The following GOLGA4 variants were observed in gnomAD, a reference collection of about 807,000 sequenced individuals.
GOLGA4 encodes golgin subfamily A member 4.
A neutral mutation model predicts 265.9 loss-of-function variants in GOLGA4; 169 were observed. The ratio of observed to expected loss-of-function variants is 0.64; its 90% confidence interval spans 0.56 to 0.72. The LOEUF (loss-of-function observed/expected upper bound fraction) is 0.72, where lower values mean the gene tolerates loss of function less well. Ranked by LOEUF, GOLGA4 falls within the 30% of genes least tolerant of loss-of-function variation. GOLGA4 has a pLI of 0.00. For synonymous variants in GOLGA4, 923 were observed against 855.8 expected (o/e 1.08, Z -1.37); for missense variants, 2,482 against 2,483.4 (o/e 1.00, Z 0.01).
intron 23 of GOLGA4, among the ~76,000 whole-genome samples, chr3:37,364,760 TAAAA>T (rs372948979): frequency 6.9e-6 from 1 of 145,364 alleles, no homozygotes; most frequent in Non-Finnish European, 1.5e-5. Flanking sequence ...CTATTTTTTT[TAAAA>T]AAAAGTTTGT....
At chr3:37,244,672 A>G (rs563163016) in intron 1 of GOLGA4, among the ~76,000 whole-genome samples, 2 of 152,342 alleles carry the variant, frequency 1.3e-5, no homozygotes, top group South Asian at 4.1e-4. Context: ...CAACGATTGC[A>G]TTAGGTTTAT....
rs201353058 is a variant in GOLGA4, at chr3:37,295,077, G to A, written c.681G>A (p.Gln227=). 3 of 1,504,106 alleles carry A rather than the reference G, an allele frequency of 2.0e-6. No individual in the cohort carries two copies. In the Admixed American group the frequency reaches 6.0e-5, roughly 30 times the overall value. 93.2% of individuals were successfully genotyped at this position (1,504,106 alleles called of 1,614,324 possible). ...KDQYISVLQT[Q]VSLLKQRLRN... ...AGTATATCAGTGTTCTCCAAACTCA[G>A]GTAAAAGAGTAAAAGAAAAAGTGTG... The change falls in exon 6 of 24, where the codon CAG becomes CAA. Residue 227 remains glutamine, a splice_region_variant and synonymous_variant. Coordinates refer to ENST00000361924, the MANE Select transcript of GOLGA4 (RefSeq NM_002078.5).
intron 2 of GOLGA4, among the ~76,000 whole-genome samples, chr3:37,255,323 G>A (rs1477460973): frequency 6.6e-6 from 1 of 152,042 alleles, no homozygotes; most frequent in Non-Finnish European, 1.5e-5. Context: ...CACCATGCCT[G>A]GCTAACTTTT....
chr3:37,333,637 A>G (rs768997566), intron 16 of GOLGA4, among the ~76,000 whole-genome samples: 2 of 152,186 alleles, frequency 1.3e-5, no homozygotes, highest in Non-Finnish European at 2.9e-5. Context: ...CAGCCATACA[A>G]GAAATGTCAA....
intron 16 of GOLGA4, 112 bp from the exon 17 acceptor site, chr3:37,334,941 A>T: frequency 1.6e-6 from 1 of 607,470 alleles, no homozygotes; most frequent in Non-Finnish European, 3.0e-6. Flanking sequence ...TTCCCTACAG[A>T]GGTAGTTTTC....
chr3:37,268,146 A>G (rs559483701), intron 2 of GOLGA4, among the ~76,000 whole-genome samples: 54 of 152,242 alleles, frequency 3.5e-4, no homozygotes, highest in African/African-American at 1.3e-3. Context: ...CAGTGGTACA[A>G]TCACGGCTCA....
intron 2 of GOLGA4, among the ~76,000 whole-genome samples, chr3:37,268,481 C>T (rs1442245082): frequency 6.6e-6 from 1 of 151,680 alleles, no homozygotes; most frequent in Non-Finnish European, 1.5e-5. Context: ...TCTCCTAGGG[C>T]CACTTCCATA....
In GOLGA4 at chr3:37,274,397, C is replaced by T. The variant is rs879836233; in HGVS notation, c.163-7561C>T. Among the ~76,000 whole-genome samples, 3 of 151,936 alleles carry T rather than the reference C, an allele frequency of 2.0e-5. No individual in the cohort carries two copies. In the East Asian group the frequency reaches 5.8e-4, roughly 29 times the overall value. On this transcript the variant is annotated intron_variant, in intron 2 of 23. Transcript: ENST00000361924. The stretch of plus-strand genomic sequence containing the variant: ...CTCCAAAAAAGGAAGAAAAAAAAAT[C>T]ATTATGATAGCAGGCTGGGCGCAGT...
At chr3:37,298,016 G>A (rs2096883079) in intron 7 of GOLGA4, among the ~76,000 whole-genome samples, 2 of 151,776 alleles carry the variant, frequency 1.3e-5, no homozygotes, top group African/African-American at 4.8e-5. Context: ...GCGGCAAAGC[G>A]AGGCTCCGTC....
At position 37,326,030 on chromosome 3, in the gene GOLGA4, C is replaced by G; in HGVS notation, c.4144C>G (p.Gln1382Glu). 6.2e-7 allele frequency: 1 copy of G among 1,612,998 alleles called. No individual in the cohort carries two copies. Among genetic ancestry groups the G allele is most frequent in the Non-Finnish European group, 8.5e-7 (1 of 1,179,178 alleles). The change falls in exon 14 of 24, where the codon CAG (glutamine) becomes GAG (glutamate). Residue 1382 changes from glutamine to glutamate, a missense_variant. Transcript: ENST00000361924. ...LSKQLTDLNV[Q>E]LQNSISLSEK... ...TAAACAACTAACTGATTTGAATGTT[C>G]AGCTTCAAAATAGCATCAGCCTATC...
chr3:37,362,530 C>T (rs1024240261), intron 23 of GOLGA4, among the ~76,000 whole-genome samples: 1 of 149,852 alleles, frequency 6.7e-6, no homozygotes, highest in Non-Finnish European at 1.5e-5. Flanking sequence ...GTGAGCCGCG[C>T]CCGGCCTTAT....
At chr3:37,319,434 G>A in intron 12 of GOLGA4, 1 of 240,266 alleles carries the variant, frequency 4.2e-6, no homozygotes, top group Non-Finnish European at 8.2e-6. Flanking sequence ...TCGCTCTGTT[G>A]CCTAGGCTAG....
chr3:37,307,122 G>A (rs543722474), intron 10 of GOLGA4, among the ~76,000 whole-genome samples: 1 of 152,046 alleles, frequency 6.6e-6, no homozygotes, highest in Non-Finnish European at 1.5e-5. Context: ...TGTAAACCCC[G>A]TTTCCCTTTC....
At chr3:37,347,140 A>G in intron 20 of GOLGA4, 53 bp from the exon 21 acceptor site, 1 of 1,002,546 alleles carries the variant, frequency 1.0e-6, no homozygotes, top group East Asian at 2.4e-5. Context: ...ATAAGTAATA[A>G]GTAGTTTACC....
chr3:37,245,266 C>T (rs1035668505), intron 1 of GOLGA4: 1 of 152,586 alleles, frequency 6.6e-6, no homozygotes, highest in Admixed American at 6.5e-5. Flanking sequence ...TCACATAAAC[C>T]TGTGAGGTAG....
In GOLGA4 at chr3:37,323,607, G is replaced by T; in HGVS notation, c.1721G>T (p.Ser574Ile). Residue 574 changes from serine to isoleucine, a missense_variant, in exon 14 of 24, where the codon AGT becomes ATT. This residue lies in a region of GOLGA4 where 1,536 missense variants were observed against 1,483.7 expected (regional missense o/e 1.04). Coordinates refer to ENST00000361924, the MANE Select transcript of GOLGA4 (RefSeq NM_002078.5). ...TYRTRILELE[S>I]SLEKSLQENK... ...TAACAGAGAATTCTTGAATTGGAAA[G>T]TTCTTTGGAAAAAAGCTTACAAGAA... 1 of 1,566,448 alleles carries T rather than the reference G, an allele frequency of 6.4e-7. No homozygotes were observed. The highest frequency in any genetic ancestry group is 1.2e-5 in the South Asian group (1 of 82,714).
At chr3:37,321,593 G>A (rs867188421) in intron 12 of GOLGA4, 138 bp from the exon 13 acceptor site, 1 of 719,414 alleles carries the variant, frequency 1.4e-6, no homozygotes, top group African/African-American at 1.8e-5. Context: ...CTAGAGCATG[G>A]GAGGAGAGAG....
intron 22 of GOLGA4, among the ~76,000 whole-genome samples, chr3:37,359,552 T>A (rs1212515755): frequency 1.3e-5 from 2 of 152,126 alleles, no homozygotes; most frequent in African/African-American, 4.8e-5. Flanking sequence ...GGTTGGCTTG[T>A]TTGTGTTCTC....
At chr3:37,349,924 T>TACATACTATA (rs2097068582) in intron 21 of GOLGA4, among the ~76,000 whole-genome samples, 1 of 152,148 alleles carries the variant, frequency 6.6e-6, no homozygotes, top group Non-Finnish European at 1.5e-5. Context: ...AGTACATACG[T>TACATACTATA]TCTTGTAGTA....
Sources: allele counts gnomAD v4.1 joint callset (sites outside exome capture counted in the v4.1 genomes callset), GRCh38; gene constraint gnomAD v4.1.1; regional missense constraint gnomAD v4.1.1; transcripts MANE v1.5; gene names NCBI Gene and HGNC (gene_info 2026-07-23, HGNC 2026-07-21).